Variants in NUDCD3 observed in about 807,000 individuals in gnomAD.
NUDCD3 encodes nudC domain-containing protein 3.
Under a neutral mutation model 39.7 loss-of-function variants are expected in NUDCD3, and 13 were observed. That is an observed-to-expected ratio of 0.33 (90% CI 0.21 to 0.52). The LOEUF (loss-of-function observed/expected upper bound fraction) is 0.52. Ranked by LOEUF, NUDCD3 falls within the 20% of genes least tolerant of loss-of-function variation. NUDCD3 has a pLI of 0.96. For synonymous variants in NUDCD3, 175 were observed against 172.4 expected (o/e 1.02, Z -0.12); for missense variants, 453 against 458.1 (o/e 0.99, Z 0.10).
At chr7:44,430,555 C>T (rs1799339230) in intron 2 of NUDCD3, among the ~76,000 whole-genome samples, 1 of 114,108 alleles carries the variant, frequency 8.8e-6, no homozygotes, top group Non-Finnish European at 1.9e-5. Context: ...ATAAAATACC[C>T]ACACACACAC....
chr7:44,459,111 T>C (rs1018568411), intron 2 of NUDCD3, among the ~76,000 whole-genome samples: 1 of 152,206 alleles, frequency 6.6e-6, no homozygotes, highest in African/African-American at 2.4e-5. Context: ...TGTGTTGTTT[T>C]GGGAGTATTA....
intron 2 of NUDCD3, among the ~76,000 whole-genome samples, chr7:44,449,650 T>G (rs1349396877): frequency 6.6e-6 from 1 of 152,162 alleles, no homozygotes; most frequent in East Asian, 1.9e-4. Context: ...ATGATGCTGG[T>G]GTAACCAGAC....
chr7:44,454,764 C>CA (rs764694448), intron 2 of NUDCD3, among the ~76,000 whole-genome samples: 77 of 152,058 alleles, frequency 5.1e-4, no homozygotes, highest in Admixed American at 1.4e-3. Flanking sequence ...CTATCTCTAC[C>CA]AAAAAAAATT....
At chr7:44,432,620 G>A (rs1391852366) in intron 2 of NUDCD3, among the ~76,000 whole-genome samples, 4 of 152,280 alleles carry the variant, frequency 2.6e-5, no homozygotes, top group Middle Eastern at 3.4e-3. Flanking sequence ...ATTGAGGCCC[G>A]GTTTGTCAAC....
intron 5 of NUDCD3, among the ~76,000 whole-genome samples, chr7:44,389,329 T>C (rs984113198): frequency 6.6e-6 from 1 of 152,184 alleles, no homozygotes; most frequent in African/African-American, 2.4e-5. Context: ...TTACCTGGAA[T>C]GAACAGACCT....
chr7:44,399,668 G>A (rs1798684957), intron 4 of NUDCD3, among the ~76,000 whole-genome samples: 1 of 152,124 alleles, frequency 6.6e-6, no homozygotes, highest in Non-Finnish European at 1.5e-5. Context: ...GGGGATGTGG[G>A]GATATAGGGC....
chr7:44,438,188 C>T (rs567411055), intron 2 of NUDCD3, among the ~76,000 whole-genome samples: 12 of 152,154 alleles, frequency 7.9e-5, no homozygotes, highest in Admixed American at 2.6e-4. Context: ...AGAGACCCCC[C>T]CATCTCTTAA....
chr7:44,419,106 G>A (rs1799086727), intron 3 of NUDCD3, among the ~76,000 whole-genome samples: 1 of 152,136 alleles, frequency 6.6e-6, no homozygotes, highest in South Asian at 2.1e-4. Context: ...CCCTGGAAAG[G>A]AGGCTGAAGC....
At chr7:44,395,637 G>A (rs970453241) in intron 4 of NUDCD3, among the ~76,000 whole-genome samples, 24 of 152,146 alleles carry the variant, frequency 1.6e-4, no homozygotes, top group African/African-American at 3.4e-4. Flanking sequence ...CAGATTTGCC[G>A]GTTCTGGACA....
rs1364799065 is a variant in NUDCD3 at position 44,382,543 on chromosome 7, G to A, written c.*3468C>T. The A allele has an allele frequency of 6.6e-6, 1 of 152,302 alleles. No individual in the cohort carries two copies. The highest frequency in any genetic ancestry group is 2.4e-5 in the African/African-American group (1 of 41,448). 9.4% of individuals were successfully genotyped at this position (152,302 alleles called of 1,614,324 possible). A position where few individuals can be genotyped will look rare whatever the true frequency, so the allele number is the denominator to read the frequency against. The stretch of plus-strand genomic sequence containing the variant: ...TGGGCACTCCCCAGGGCAGCAGCCT[G>A]GTTTAAATGCCTGTTCCCCAGACCC... On this transcript the variant is annotated 3_prime_UTR_variant, in exon 6 of 6. Coordinates refer to ENST00000355451, the MANE Select transcript of NUDCD3 (RefSeq NM_015332.4).
intron 2 of NUDCD3, among the ~76,000 whole-genome samples, chr7:44,483,441 A>C (rs1214559555): frequency 6.6e-6 from 1 of 152,272 alleles, no homozygotes; most frequent in Non-Finnish European, 1.5e-5. Context: ...CTATCAGCAG[A>C]TCTGCACTAT....
In NUDCD3 at chr7:44,386,046, T is replaced by C. The variant is rs775577561; in HGVS notation, c.1051A>G (p.Met351Val). 1.4e-5 allele frequency: 23 copies of C among 1,604,330 alleles called. No homozygotes were observed. In the South Asian group the frequency reaches 2.1e-4, roughly 15 times the overall value. The change falls in exon 6 of 6, where the codon ATG (methionine) becomes GTG (valine). Residue 351 changes from methionine (M) to valine (V), a missense_variant. Physicochemically the swap from Met to Val is conservative, Grantham distance 21. Transcript: ENST00000355451. ...PFRGQRFDPA[M>V]FNISPGAVQF ...ACAGCCCCCGGGGAGATGTTGAACA[T>C]GGCAGGGTCGAATCGCTGGCCTCGG...
At chr7:44,463,804 AT>A (rs1311759657) in intron 2 of NUDCD3, among the ~76,000 whole-genome samples, 1 of 152,140 alleles carries the variant, frequency 6.6e-6, no homozygotes, top group Non-Finnish European at 1.5e-5. Context: ...TACAAAAGGA[AT>A]GTATTTTTAC....
In NUDCD3 at chr7:44,404,496, GGGT is replaced by G; in HGVS notation, c.727_729del (p.Thr243del). 6.2e-7 allele frequency: 1 copy of G among 1,611,580 alleles called. No individual in the cohort carries two copies. On this transcript the variant is annotated inframe_deletion, in exon 4 of 6. Transcript: ENST00000355451. ...AGAGAACTCTCAGTGTTGATCTTGT[GGGT>G]GAGCTTCCCTTCCATGAGGACGCGC...
chr7:44,483,483 T>C (rs976658114), intron 2 of NUDCD3, among the ~76,000 whole-genome samples: 3 of 152,160 alleles, frequency 2.0e-5, no homozygotes, highest in African/African-American at 7.2e-5. Flanking sequence ...TGCAAGGAAA[T>C]ATCAGATGTC....
intron 2 of NUDCD3, among the ~76,000 whole-genome samples, chr7:44,482,793 C>T (rs889668762): frequency 6.6e-6 from 1 of 151,850 alleles, no homozygotes; most frequent in South Asian, 2.1e-4. Flanking sequence ...TAGAAACAAA[C>T]CAAGAAATCA....
chr7:44,484,926 G>T, intron 2 of NUDCD3, 42 bp downstream of exon 2: 1 of 1,430,940 alleles, frequency 7.0e-7, no homozygotes, highest in Non-Finnish European at 9.6e-7. Context: ...AACACCAGAT[G>T]TTACGCAAGA....
intron 3 of NUDCD3, among the ~76,000 whole-genome samples, chr7:44,414,915 G>A (rs1798993426): frequency 1.3e-5 from 2 of 152,168 alleles, no homozygotes; most frequent in Non-Finnish European, 2.9e-5. Context: ...TAGTGGCTAA[G>A]GTGGTGTTCC....
intron 2 of NUDCD3, among the ~76,000 whole-genome samples, chr7:44,440,600 T>C (rs886760875): frequency 1.3e-4 from 20 of 151,092 alleles, no homozygotes; most frequent in African/African-American, 4.9e-4. Flanking sequence ...AAATATATCA[T>C]GCCAACTAAC....
Sources: allele counts gnomAD v4.1 joint callset (sites outside exome capture counted in the v4.1 genomes callset), GRCh38; gene constraint gnomAD v4.1.1; transcripts MANE v1.5; gene names NCBI Gene and HGNC (gene_info 2026-07-23, HGNC 2026-07-21).